Variants in MYCBP2 observed in about 807,000 individuals in gnomAD.
MYCBP2 encodes the protein E3 ubiquitin-protein ligase MYCBP2.
Under a neutral mutation model 525.3 loss-of-function variants are expected in MYCBP2, and 120 were observed. The observed-to-expected ratio is 0.23, with a 90% CI of 0.20 to 0.27. MYCBP2 has a LOEUF of 0.27. Among genes scored for constraint, MYCBP2 ranks in the 10% least tolerant of loss-of-function variants. The probability of loss-of-function intolerance (pLI) is 1.00; values close to 1 mark genes in which losing one functional copy is unlikely to be tolerated. For missense variants in MYCBP2, 4,149 were observed against 5,657.1 expected (o/e 0.73, Z 8.55); for synonymous variants, 1,894 against 1,955.8 (o/e 0.97, Z 0.83).
At chr13:77,094,200 G>A (rs1015039398) in intron 58 of MYCBP2, among the ~76,000 whole-genome samples, 2 of 152,066 alleles carry the variant, frequency 1.3e-5, no homozygotes, top group African/African-American at 4.8e-5. Context: ...ACTGTTGGTC[G>A]GCAAGCCATG....
In MYCBP2 at chr13:77,156,161, G is replaced by A. The variant is rs1214328613; in HGVS notation, c.6812C>T (p.Ser2271Phe). 3.7e-6 allele frequency: 6 copies of A among 1,613,982 alleles called. No homozygotes were observed. The East Asian group carries it at 6.7e-5, about 18-fold the overall frequency. Residue 2271 changes from serine (S) to phenylalanine (F), a missense_variant, in exon 46 of 83, where the codon TCT becomes TTT. Physicochemically the swap from Ser to Phe is radical, Grantham distance 155. Coordinates refer to ENST00000544440, the MANE Select transcript of MYCBP2 (RefSeq NM_015057.5). ...PDSYADPQKT[S>F]LILNKDDIRC... Reference sequence around the variant, plus strand: ...AATATCATCCTTATTCAGGATCAAAGATGTTTTCTGAGGATCCGCATATGA... The same window carrying A: ...AATATCATCCTTATTCAGGATCAAAAATGTTTTCTGAGGATCCGCATATGA...
chr13:77,076,601 T>C (rs1392002900), intron 68 of MYCBP2, 150 bp downstream of exon 68: 4 of 548,248 alleles, frequency 7.3e-6, no homozygotes, highest in Non-Finnish European at 1.3e-5. Context: ...GAATTTCTTT[T>C]AGATAGTTCC....
intron 31 of MYCBP2, 73 bp from the exon 32 acceptor site, chr13:77,185,450 A>C (rs2060632619): frequency 6.9e-7 from 1 of 1,446,530 alleles, no homozygotes; most frequent in African/African-American, 1.4e-5. Context: ...AATATAATTC[A>C]GTAATTCCCT....
intron 50 of MYCBP2, among the ~76,000 whole-genome samples, chr13:77,140,368 A>C (rs1396818168): frequency 6.6e-6 from 1 of 152,240 alleles, no homozygotes; most frequent in East Asian, 1.9e-4. Context: ...GTATTACTGA[A>C]AATAAAGCTT....
At chr13:77,261,615 T>C (rs1004251208) in intron 11 of MYCBP2, among the ~76,000 whole-genome samples, 3 of 152,016 alleles carry the variant, frequency 2.0e-5, no homozygotes, top group Non-Finnish European at 2.9e-5. Context: ...CTGTCTTCTA[T>C]AGGCACAATT....
intron 15 of MYCBP2, among the ~76,000 whole-genome samples, chr13:77,245,201 T>A (rs1327037833): frequency 6.6e-6 from 1 of 152,192 alleles, no homozygotes; most frequent in African/African-American, 2.4e-5. Context: ...GTGTGGTAAT[T>A]CCTCAAGGAT....
chr13:77,144,574 A>G lies in MYCBP2; in HGVS notation c.7188-14T>C. On this transcript the variant is annotated splice_polypyrimidine_tract_variant and intron_variant, in intron 48 of 82. Coordinates refer to ENST00000544440, the MANE Select transcript of MYCBP2 (RefSeq NM_015057.5). Reference sequence around the variant, plus strand: ...TTCTCACTGGGTCTGAAAAGAAATAAGATGGATATTGGAAATTTTACTTTT... The same window carrying G: ...TTCTCACTGGGTCTGAAAAGAAATAGGATGGATATTGGAAATTTTACTTTT... 6.4e-7 allele frequency: 1 copy of G among 1,554,902 alleles called. No homozygotes were observed. Among genetic ancestry groups the G allele is most frequent in the Non-Finnish European group, 8.9e-7 (1 of 1,126,672 alleles).
chr13:77,205,112 C>A, intron 26 of MYCBP2, 144 bp downstream of exon 26: 6 of 601,686 alleles, frequency 1.0e-5, no homozygotes, highest in Non-Finnish European at 1.5e-5. Context: ...AATGTTTTCT[C>A]TATCGCTTTT....
At chr13:77,169,080 C>A (rs2058843058) in intron 39 of MYCBP2, among the ~76,000 whole-genome samples, 1 of 152,198 alleles carries the variant, frequency 6.6e-6, no homozygotes, top group Admixed American at 6.5e-5. Context: ...CCTAAAATTG[C>A]TAAAATCTAT....
rs1267868929 is a variant in MYCBP2 at position 77,270,550 on chromosome 13, A to G, written c.946-12T>C. ...AGAATTGTTGGCACCTAATCAAAAG[A>G]GAAGAAAAATAATGAAAAAACATTT... is the stretch of plus-strand genomic sequence containing the variant. On this transcript the variant is annotated splice_polypyrimidine_tract_variant and intron_variant, in intron 5 of 82. Transcript: ENST00000544440. 6.3e-7 allele frequency: 1 copy of G among 1,578,982 alleles called. No individual in the cohort carries two copies. Among genetic ancestry groups the G allele is most frequent in the African/African-American group, 1.4e-5 (1 of 73,160 alleles).
At chr13:77,173,353 A>G (rs2059321394) in intron 37 of MYCBP2, among the ~76,000 whole-genome samples, 1 of 152,216 alleles carries the variant, frequency 6.6e-6, no homozygotes. Flanking sequence ...TTTTTAATCC[A>G]TAGTTTAAGA....
chr13:77,055,863 G>A, intron 79 of MYCBP2, 96 bp from the exon 80 acceptor site: 1 of 804,728 alleles, frequency 1.2e-6, no homozygotes, highest in Non-Finnish European at 2.0e-6. Context: ...TGTGCTAGAA[G>A]ATAACCAGAC....
chr13:77,115,233 G>C (rs1221059516), intron 55 of MYCBP2, among the ~76,000 whole-genome samples: 1 of 151,852 alleles, frequency 6.6e-6, no homozygotes, highest in African/African-American at 2.4e-5. Context: ...GCTTTCAAGA[G>C]AAATGGTGAT....
intron 52 of MYCBP2, among the ~76,000 whole-genome samples, chr13:77,131,508 AC>A (rs1566645202): frequency 3.1e-4 from 20 of 64,208 alleles, no homozygotes; most frequent in South Asian, 2.0e-3. Context: ...ACACACACAC[AC>A]ACAAACAAAC....
At chr13:77,309,237 C>G (rs2079845158) in intron 1 of MYCBP2, among the ~76,000 whole-genome samples, 1 of 152,176 alleles carries the variant, frequency 6.6e-6, no homozygotes, top group African/African-American at 2.4e-5. Flanking sequence ...GGTGTTGGCT[C>G]ATTATAATTT....
At chr13:77,128,995 T>C (rs765334215) in intron 52 of MYCBP2, among the ~76,000 whole-genome samples, 73 of 152,008 alleles carry the variant, frequency 4.8e-4, no homozygotes, top group Admixed American at 5.2e-4. Flanking sequence ...TAATACATTC[T>C]TTTTGGCAGG....
chr13:77,146,712 A>G (rs947294536), intron 47 of MYCBP2, among the ~76,000 whole-genome samples: 1 of 152,202 alleles, frequency 6.6e-6, no homozygotes, highest in Admixed American at 6.5e-5. Context: ...GGAAAATACG[A>G]ATTAAAACAA....
At chr13:77,161,383 G>C (rs371905394) in intron 44 of MYCBP2, among the ~76,000 whole-genome samples, 2 of 152,168 alleles carry the variant, frequency 1.3e-5, no homozygotes, top group Non-Finnish European at 2.9e-5. Context: ...AGCAAAAAAG[G>C]TAAAGCAAAC....
chr13:77,062,820 T>C (rs986044874), intron 73 of MYCBP2, 123 bp from the exon 74 acceptor site: 6 of 720,188 alleles, frequency 8.3e-6, no homozygotes, highest in Non-Finnish European at 1.4e-5. Flanking sequence ...AGATACTCAG[T>C]GGCACTCAAG....
Sources: allele counts gnomAD v4.1 joint callset (sites outside exome capture counted in the v4.1 genomes callset), GRCh38; gene constraint gnomAD v4.1.1; transcripts MANE v1.5; gene names NCBI Gene and HGNC (gene_info 2026-07-23, HGNC 2026-07-21).